The following ENTREP2 variants were observed in gnomAD, a reference collection of about 807,000 sequenced individuals.
ENTREP2 encodes endosomal transmembrane epsin interactor 2.
the ENTREP2 span, among the ~76,000 whole-genome samples, chr15:29,204,433 GGGCTGGGAAGA>G: frequency 3.9e-5 from 6 of 152,196 alleles, no homozygotes; most frequent in Admixed American, 2.0e-4. Flanking sequence ...GCAGGGCAGA[GGGCTGGGAAGA>G]GGCTGGCATG....
At chr15:29,429,552 G>A in the ENTREP2 span, among the ~76,000 whole-genome samples, 2 of 152,182 alleles carry the variant, frequency 1.3e-5, no homozygotes, top group Admixed American at 6.5e-5. Flanking sequence ...GGACTCCCAC[G>A]TTGGAGCTGG....
At chr15:29,600,915 T>TTTTA in the ENTREP2 span, among the ~76,000 whole-genome samples, 2 of 143,446 alleles carry the variant, frequency 1.4e-5, no homozygotes, top group Admixed American at 6.9e-5. Context: ...TTTTTTTTTT[T>TTTTA]GAGACAGAGT....
the ENTREP2 span, among the ~76,000 whole-genome samples, chr15:29,143,198 T>C: frequency 6.6e-6 from 1 of 152,216 alleles, no homozygotes. Flanking sequence ...CTGAGATAAT[T>C]GCTGACTAAC....
the ENTREP2 span, among the ~76,000 whole-genome samples, chr15:29,545,183 C>T: frequency 9.2e-5 from 14 of 152,306 alleles, no homozygotes; most frequent in South Asian, 2.7e-3. Context: ...TTTTTCTGTC[C>T]TAAGTCCCAG....
At chr15:29,184,754 G>A in the ENTREP2 span, among the ~76,000 whole-genome samples, 1 of 152,200 alleles carries the variant, frequency 6.6e-6, no homozygotes, top group Non-Finnish European at 1.5e-5. Context: ...GTCTCCCATG[G>A]ATGCTCTGCT....
chr15:29,175,996 A>C, the ENTREP2 span, among the ~76,000 whole-genome samples: 4 of 152,240 alleles, frequency 2.6e-5, no homozygotes, highest in Non-Finnish European at 5.9e-5. Context: ...GTGTGAGTGA[A>C]AGTAGTTTGA....
chr15:29,412,013 C>T, the ENTREP2 span, among the ~76,000 whole-genome samples: 1 of 152,146 alleles, frequency 6.6e-6, no homozygotes, highest in Non-Finnish European at 1.5e-5. Context: ...CATAAATTCC[C>T]CCCAAATTCT....
At chr15:29,207,389 A>G in the ENTREP2 span, among the ~76,000 whole-genome samples, 2 of 135,476 alleles carry the variant, frequency 1.5e-5, no homozygotes, top group Non-Finnish European at 3.1e-5. Context: ...AACAAAGTTT[A>G]TTACGAAGAG....
the ENTREP2 span, chr15:29,374,763 A>G: frequency 2.0e-5 from 3 of 152,060 alleles, no homozygotes; most frequent in Non-Finnish European, 4.4e-5. Context: ...ATTTTTGTTG[A>G]AAAAATGTTT....
the ENTREP2 span, among the ~76,000 whole-genome samples, chr15:29,365,242 G>T: frequency 6.8e-6 from 1 of 147,410 alleles, no homozygotes; most frequent in Non-Finnish European, 1.5e-5. Flanking sequence ...TGGCTAAATA[G>T]CTCATTTCTT....
the ENTREP2 span, chr15:29,123,721 G>C: frequency 6.8e-7 from 1 of 1,464,588 alleles, no homozygotes. Context: ...CAAAAGCAAA[G>C]AAAAGCCTGC....
the ENTREP2 span, among the ~76,000 whole-genome samples, chr15:29,581,067 CTT>C: frequency 0.51 from 76,633 of 151,630 alleles, 21,685 homozygotes; most frequent in Non-Finnish European, 0.65. Context: ...ATTGTAATGA[CTT>C]TATTAGTTTT....
the ENTREP2 span, among the ~76,000 whole-genome samples, chr15:29,622,642 G>A: frequency 6.6e-6 from 1 of 152,182 alleles, no homozygotes; most frequent in Non-Finnish European, 1.5e-5. Context: ...GTCCTCTTTG[G>A]TCAACTGGAG....
the ENTREP2 span, among the ~76,000 whole-genome samples, chr15:29,587,114 A>T: frequency 2.3e-5 from 1 of 44,150 alleles, no homozygotes; most frequent in Non-Finnish European, 4.4e-5. Flanking sequence ...TGAGTTCATG[A>T]GATAGGCTAT....
chr15:29,511,788 A>G, the ENTREP2 span, among the ~76,000 whole-genome samples: 1 of 148,110 alleles, frequency 6.8e-6, no homozygotes, highest in East Asian at 2.0e-4. Context: ...TAGTACCTGC[A>G]TAACAAACCC....
the ENTREP2 span, among the ~76,000 whole-genome samples, chr15:29,437,491 C>T: frequency 1.3e-5 from 2 of 152,160 alleles, no homozygotes; most frequent in Non-Finnish European, 2.9e-5. Context: ...ATTGCATCTC[C>T]AACTTCTATT....
chr15:29,235,109 A>G, the ENTREP2 span: 1 of 1,050,086 alleles, frequency 9.5e-7, no homozygotes. Context: ...GTCCCACAAC[A>G]GATGTGGGCA....
the ENTREP2 span, among the ~76,000 whole-genome samples, chr15:29,143,536 G>A: frequency 3.3e-5 from 5 of 152,304 alleles, no homozygotes; most frequent in East Asian, 7.7e-4. Flanking sequence ...TCTGTAGGGC[G>A]CAGCACAACA....
the ENTREP2 span, among the ~76,000 whole-genome samples, chr15:29,628,435 G>A: frequency 6.6e-6 from 1 of 152,036 alleles, no homozygotes; most frequent in African/African-American, 2.4e-5. Flanking sequence ...TTATGATCCA[G>A]GTTTTCATCT....
Sources: gnomAD v4.1 joint callset for allele counts (sites outside exome capture counted in the v4.1 genomes callset) on GRCh38, gnomAD v4.1.1 for gene constraint, MANE v1.5 for transcripts, NCBI Gene and HGNC (gene_info 2026-07-23, HGNC 2026-07-21) for gene names.